PDCD10: variants seen among roughly 807,000 people sequenced by gnomAD.
The protein encoded by PDCD10 is programmed cell death 10.
PDCD10 carries 4 observed loss-of-function variants against 29.2 expected under a neutral mutation model. The observed-to-expected ratio is 0.14, with a 90% confidence interval of 0.07 to 0.31. The LOEUF is 0.31. PDCD10 is among the 10% of genes least tolerant of loss of function. The pLI, the probability that PDCD10 is intolerant of heterozygous loss-of-function variation, is 1.00. For synonymous variants in PDCD10, 70 were observed against 82.2 expected, an observed-to-expected ratio of 0.85 and a Z score of 0.80; for missense variants, 183 against 257.9, an observed-to-expected ratio of 0.71 and a Z score of 1.99.
At chr3:167,700,031 A>G (rs1721223781) in intron 4 of PDCD10, among the ~76,000 whole-genome samples, 1 of 152,202 alleles carries the variant, frequency 6.6e-6, no homozygotes, top group Non-Finnish European at 1.5e-5. Context: ...ATTTATCAAA[A>G]CTCACACGCA....
At chr3:167,724,607 T>C (rs1723901254) in intron 2 of PDCD10, among the ~76,000 whole-genome samples, 1 of 152,144 alleles carries the variant, frequency 6.6e-6, no homozygotes, top group Admixed American at 6.5e-5. Context: ...AATTCATGAG[T>C]TGAGATGGGC....
intron 2 of PDCD10, among the ~76,000 whole-genome samples, chr3:167,724,419 T>C (rs934784209): frequency 1.4e-4 from 21 of 152,216 alleles, no homozygotes; most frequent in Admixed American, 1.4e-3. Context: ...GACTGATGTA[T>C]GCTGGATCTC....
At chr3:167,731,682 G>T (rs1268815216) in intron 2 of PDCD10, among the ~76,000 whole-genome samples, 2 of 152,194 alleles carry the variant, frequency 1.3e-5, no homozygotes, top group Non-Finnish European at 2.9e-5. Context: ...TGACAAATGA[G>T]AGGGCCCTGC....
chr3:167,725,123 G>A (rs1038353246), intron 2 of PDCD10, among the ~76,000 whole-genome samples: 1 of 152,090 alleles, frequency 6.6e-6, no homozygotes, highest in East Asian at 1.9e-4. Context: ...CAGATGCGGT[G>A]GTGGGCTTCT....
At chr3:167,689,045 CCT>C (rs1719945834) in intron 6 of PDCD10, among the ~76,000 whole-genome samples, 1 of 152,060 alleles carries the variant, frequency 6.6e-6, no homozygotes, top group Non-Finnish European at 1.5e-5. Flanking sequence ...TTACTTATTA[CCT>C]CTCTCAGGTC....
At chr3:167,714,744 A>G (rs998697808) in intron 3 of PDCD10, among the ~76,000 whole-genome samples, 11 of 151,942 alleles carry the variant, frequency 7.2e-5, no homozygotes, top group African/African-American at 2.7e-4. Flanking sequence ...AAGGAACTAA[A>G]AGACCTTTAC....
At chr3:167,724,130 C>G (rs1481217083) in intron 2 of PDCD10, among the ~76,000 whole-genome samples, 3 of 152,178 alleles carry the variant, frequency 2.0e-5, no homozygotes, top group Non-Finnish European at 4.4e-5. Context: ...CTGAAACTGC[C>G]TTACTTTACT....
intron 3 of PDCD10, among the ~76,000 whole-genome samples, chr3:167,718,240 G>C (rs1723205651): frequency 6.6e-6 from 1 of 152,078 alleles, no homozygotes; most frequent in African/African-American, 2.4e-5. Context: ...TTTCCGAATA[G>C]ATTCTTAAGA....
At chr3:167,719,069 G>A (rs1723309051) in intron 3 of PDCD10, among the ~76,000 whole-genome samples, 1 of 137,882 alleles carries the variant, frequency 7.3e-6, no homozygotes, top group South Asian at 2.1e-4. Flanking sequence ...TAAGACTTAA[G>A]ATTATAGAAT....
At chr3:167,712,787 CAA>C (rs1363515647) in intron 3 of PDCD10, among the ~76,000 whole-genome samples, 1 of 151,292 alleles carries the variant, frequency 6.6e-6, no homozygotes, top group South Asian at 2.1e-4. Flanking sequence ...AAATGGAAAC[CAA>C]AAAAAGAGTA....
Position 167,722,276 on chromosome 3 carries a change from A to G in PDCD10, c.-116-2003T>C, listed in dbSNP as rs141295555. Among the ~76,000 whole-genome samples, 268 of 152,278 alleles carry G rather than the reference A, an allele frequency of 1.8e-3. 9 individuals carry two copies. Among genetic ancestry groups the G allele is most frequent in the Admixed American group, 0.014 (209 of 15,286 alleles). The stretch of plus-strand genomic sequence containing the variant: ...AATTATTTATTTAATAAATATTTCA[A>G]TGGTCACAAAGAGGCACGGTATTAA... On this transcript the variant is annotated intron_variant, in intron 2 of 8. Coordinates refer to ENST00000392750, the MANE Select transcript of PDCD10 (RefSeq NM_007217.4).
intron 3 of PDCD10, among the ~76,000 whole-genome samples, chr3:167,712,610 C>T (rs1201198689): frequency 6.6e-6 from 1 of 151,840 alleles, no homozygotes; most frequent in African/African-American, 2.4e-5. Context: ...GAGGTAAGTC[C>T]TTACTTATCA....
chr3:167,703,836 G>A (rs1314084598), intron 4 of PDCD10, among the ~76,000 whole-genome samples: 3 of 151,676 alleles, frequency 2.0e-5, no homozygotes, highest in African/African-American at 4.8e-5. Context: ...AAAAGACACA[G>A]GTAAAATTAT....
At chr3:167,688,904 T>C (rs766944983) in intron 6 of PDCD10, among the ~76,000 whole-genome samples, 1 of 152,214 alleles carries the variant, frequency 6.6e-6, no homozygotes, top group East Asian at 1.9e-4. Context: ...TTTCCCAGCA[T>C]ATTTTTCAGT....
chr3:167,709,807 A>G (rs1201244583), intron 3 of PDCD10, among the ~76,000 whole-genome samples: 2 of 2,058 alleles, frequency 9.7e-4, no homozygotes, highest in Non-Finnish European at 1.3e-3. Context: ...CAGAGCTCAC[A>G]GAATAAGAGA....
intron 6 of PDCD10, among the ~76,000 whole-genome samples, chr3:167,691,045 A>C (rs572659518): frequency 6.6e-6 from 1 of 152,330 alleles, no homozygotes; most frequent in East Asian, 1.9e-4. Context: ...TTATTGAAAA[A>C]TGTTGCTAAA....
intron 8 of PDCD10, among the ~76,000 whole-genome samples, chr3:167,685,480 G>A (rs1719518461): frequency 6.6e-6 from 1 of 151,068 alleles, no homozygotes; most frequent in Non-Finnish European, 1.5e-5. Flanking sequence ...CTGAAAGATG[G>A]CCTAAAGATC....
intron 3 of PDCD10, among the ~76,000 whole-genome samples, chr3:167,710,870 T>C (rs1722456269): frequency 6.6e-6 from 1 of 152,088 alleles, no homozygotes; most frequent in South Asian, 2.1e-4. Flanking sequence ...GAAACTACAT[T>C]TGTTTGGGAG....
rs143841945 is a variant in PDCD10, at chr3:167,694,696, C to T, written c.395+900G>A. The T allele has an allele frequency of 2.0e-4, 30 of 152,974 alleles. No individual in the cohort carries two copies. The East Asian group carries it at 5.4e-3, about 27-fold the overall frequency. The allele number at this position is 152,974 out of a possible 1,614,324, so 9.5% of individuals were successfully genotyped here. A position where few individuals can be genotyped will look rare whatever the true frequency, so the allele number is the denominator to read the frequency against. The stretch of plus-strand genomic sequence containing the variant: ...CATGTGGGCCATGGCATGCTGAGGG[C>T]CTTCACAAAGCTGGGCTGCCTGGCT... On this transcript the variant is annotated intron_variant, in intron 6 of 8. Coordinates refer to ENST00000392750, the MANE Select transcript of PDCD10 (RefSeq NM_007217.4).
Sources: gnomAD v4.1 joint callset for allele counts (sites outside exome capture counted in the v4.1 genomes callset) on GRCh38, gnomAD v4.1.1 for gene constraint, MANE v1.5 for transcripts, NCBI Gene and HGNC (gene_info 2026-07-23, HGNC 2026-07-21) for gene names.